The following ERO1B variants were observed in gnomAD, a reference collection of about 807,000 sequenced individuals.
ERO1B encodes the protein ERO1-like protein beta.
Under a neutral mutation model 75.3 loss-of-function variants are expected in ERO1B, and 49 were observed. That is an observed-to-expected ratio of 0.65 (90% confidence interval 0.52 to 0.83). The LOEUF is 0.83. Ranked by LOEUF, ERO1B falls within the 40% of genes least tolerant of loss-of-function variation. The pLI is 0.00. For synonymous variants in ERO1B, 191 were observed against 192.9 expected (o/e 0.99, Z 0.08); for missense variants, 512 against 560.1 (o/e 0.91, Z 0.87).
At chr1:236,249,114 C>T (rs1726643) in intron 5 of ERO1B, among the ~76,000 whole-genome samples, 36,469 of 151,086 alleles carry the variant, frequency 0.24, 4,633 homozygotes, top group East Asian at 0.38. Context: ...CAACCTCCGC[C>T]TCCCAGGTTC....
chr1:236,280,158 T>C (rs1665797953), intron 1 of ERO1B, among the ~76,000 whole-genome samples: 1 of 152,150 alleles, frequency 6.6e-6, no homozygotes, highest in South Asian at 2.1e-4. Context: ...TTATAAAACA[T>C]TAATTACACA....
At chr1:236,249,287 A>T (rs1664958778) in intron 5 of ERO1B, among the ~76,000 whole-genome samples, 1 of 152,138 alleles carries the variant, frequency 6.6e-6, no homozygotes, top group African/African-American at 2.4e-5. Flanking sequence ...CAGCCTCCCA[A>T]AGTGCTGGGA....
At chr1:236,250,567 T>A (rs1430875345) in intron 4 of ERO1B, among the ~76,000 whole-genome samples, 1 of 94,220 alleles carries the variant, frequency 1.1e-5, no homozygotes, top group Admixed American at 1.3e-4. Context: ...GGAAGTAAAT[T>A]TGACCATATA....
chr1:236,281,637 G>A (rs1299221746), intron 1 of ERO1B, 45 bp downstream of exon 1: 11 of 1,276,418 alleles, frequency 8.6e-6, no homozygotes, highest in Non-Finnish European at 9.1e-6. Flanking sequence ...TAGCGGCCGC[G>A]GGTGTTCGGC....
intron 2 of ERO1B, among the ~76,000 whole-genome samples, chr1:236,261,951 A>G (rs201822899): frequency 8.6e-5 from 13 of 150,970 alleles, no homozygotes; most frequent in Non-Finnish European, 1.6e-4. Flanking sequence ...TCAAAAACAA[A>G]AACAAAAACA....
intron 12 of ERO1B, 114 bp from the exon 13 acceptor site, chr1:236,225,253 C>T (rs1300108045): frequency 1.7e-5 from 17 of 975,052 alleles, no homozygotes; most frequent in Admixed American, 6.6e-5. Flanking sequence ...TTATTTACTC[C>T]GATGTAAGTT....
At position 236,225,158 on chromosome 1, in the gene ERO1B, T is replaced by A; in HGVS notation, c.1053-19A>T. On this transcript the variant is annotated intron_variant, in intron 12 of 15. Coordinates refer to ENST00000354619, the MANE Select transcript of ERO1B (RefSeq NM_019891.4). ...AAAGGACCTGATAAAATGATAGTAT[T>A]GGATTAAGTTACACATGAAAAATCC... 1 of 1,612,392 alleles carries A rather than the reference T, an allele frequency of 6.2e-7. No individual in the cohort carries two copies. The highest frequency in any genetic ancestry group is 8.5e-7 in the Non-Finnish European group (1 of 1,178,492).
intron 2 of ERO1B, among the ~76,000 whole-genome samples, chr1:236,261,302 T>C (rs748125072): frequency 6.6e-6 from 1 of 152,118 alleles, no homozygotes; most frequent in Non-Finnish European, 1.5e-5. Context: ...GAAGTTCTAG[T>C]CAGAGCAATA....
chr1:236,264,568 G>C (rs575093621), intron 2 of ERO1B, among the ~76,000 whole-genome samples: 1 of 152,278 alleles, frequency 6.6e-6, no homozygotes, highest in African/African-American at 2.4e-5. Context: ...GGTGGGCCAG[G>C]CATGGTGGCT....
At chr1:236,265,853 C>A (rs1665422973) in intron 2 of ERO1B, among the ~76,000 whole-genome samples, 1 of 152,132 alleles carries the variant, frequency 6.6e-6, no homozygotes, top group Non-Finnish European at 1.5e-5. Flanking sequence ...ACATCTTTTC[C>A]CTGGCATGTT....
intron 6 of ERO1B, among the ~76,000 whole-genome samples, chr1:236,238,373 G>A (rs1257535152): frequency 1.3e-5 from 2 of 152,016 alleles, no homozygotes; most frequent in Admixed American, 1.3e-4. Context: ...AAATTATGAA[G>A]TATAAGTATG....
chr1:236,267,602 C>T (rs1250318908), intron 2 of ERO1B, among the ~76,000 whole-genome samples: 2 of 152,118 alleles, frequency 1.3e-5, no homozygotes, highest in South Asian at 4.1e-4. Context: ...AAACACTTCC[C>T]CCACTGTATT....
chr1:236,273,680 T>A lies in ERO1B; in HGVS notation c.103-3686A>T, dbSNP rs371985125. Among the ~76,000 whole-genome samples, 4 of 151,844 alleles carry A rather than the reference T, an allele frequency of 2.6e-5. No individual in the cohort carries two copies. In the South Asian group the frequency reaches 8.3e-4, roughly 32 times the overall value. On this transcript the variant is annotated intron_variant, in intron 1 of 15. Coordinates refer to ENST00000354619, the MANE Select transcript of ERO1B (RefSeq NM_019891.4). Reference sequence around the variant, plus strand: ...AATTAGCCAGGTCTGGTGGTGAGCATCTGTAGTCCCAGCTACTCAAGAGGC... The same window carrying A: ...AATTAGCCAGGTCTGGTGGTGAGCAACTGTAGTCCCAGCTACTCAAGAGGC...
rs757628326 is a variant in ERO1B at position 236,269,952 on chromosome 1, T to C, written c.145A>G (p.Ile49Val). The C allele has an allele frequency of 5.0e-6, 8 of 1,604,924 alleles. No homozygotes were observed. In the South Asian group the frequency reaches 8.8e-5, roughly 18 times the overall value. Residue 49 changes from isoleucine (I) to valine (V), a missense_variant, in exon 2 of 16, where the codon ATC becomes GTC. Ile to Val is a conservative substitution (Grantham distance 29). Transcript: ENST00000354619. ...ATTTTGTAGGTATTGAAGTTATCGA[T>C]GCTGTCAATATCACACAAGCAATCA... ...LDDCLCDIDS[I>V]DNFNTYKIFP...
At chr1:236,241,481 T>C (rs1422688106) in intron 6 of ERO1B, among the ~76,000 whole-genome samples, 1 of 151,958 alleles carries the variant, frequency 6.6e-6, no homozygotes, top group Non-Finnish European at 1.5e-5. Context: ...GGAGACAGGT[T>C]GCAGTGAGCC....
At chr1:236,227,966 A>C (rs1664317527) in intron 10 of ERO1B, among the ~76,000 whole-genome samples, 1 of 152,230 alleles carries the variant, frequency 6.6e-6, no homozygotes, top group Non-Finnish European at 1.5e-5. Flanking sequence ...GGATACAAAC[A>C]ATATGAATAT....
chr1:236,250,467 G>C (rs1749591), intron 4 of ERO1B, among the ~76,000 whole-genome samples: 37,607 of 150,792 alleles, frequency 0.25, 4,875 homozygotes, highest in East Asian at 0.39. Context: ...GCAAGACTCT[G>C]TCTCAAAAAA....
At chr1:236,232,793 C>T (rs372249096) in intron 9 of ERO1B, 35 bp downstream of exon 9, 3 of 1,577,338 alleles carry the variant, frequency 1.9e-6, no homozygotes, top group African/African-American at 2.7e-5. Flanking sequence ...AAATTTCCTC[C>T]ACACTTGAAA....
chr1:236,269,074 A>G (rs1404518234), intron 2 of ERO1B, among the ~76,000 whole-genome samples: 1 of 152,002 alleles, frequency 6.6e-6, no homozygotes, highest in Non-Finnish European at 1.5e-5. Flanking sequence ...GTCTGTACTA[A>G]AAATACAAAA....
Sources: gnomAD v4.1 joint callset for allele counts (sites outside exome capture counted in the v4.1 genomes callset) on GRCh38, gnomAD v4.1.1 for gene constraint, MANE v1.5 for transcripts, NCBI Gene and HGNC (gene_info 2026-07-23, HGNC 2026-07-21) for gene names.